Variants in MROH9 observed in about 807,000 individuals in gnomAD.
MROH9 encodes maestro heat like repeat family member 9.
MROH9 carries 92 observed loss-of-function variants against 98.2 expected under a neutral mutation model. That is an observed-to-expected ratio of 0.94 (90% CI 0.79 to 1.11). The LOEUF is 1.11. MROH9 is among the 50% of genes most tolerant of loss of function. MROH9 has a pLI of 0.00. For synonymous variants in MROH9, 397 were observed against 368.9 expected (o/e 1.08, Z -0.87); for missense variants, 1,057 against 1,014.8 (o/e 1.04, Z -0.57).
chr1:170,975,749 G>A (rs185994564), intron 8 of MROH9, among the ~76,000 whole-genome samples: 2 of 152,280 alleles, frequency 1.3e-5, no homozygotes, highest in South Asian at 2.1e-4. Flanking sequence ...TGTGTGGGAT[G>A]CTGAAATCTC....
chr1:171,062,129 T>C lies in MROH9; in HGVS notation c.2282-3T>C, dbSNP rs919525078. 6.5e-7 allele frequency: 1 copy of C among 1,537,292 alleles called. No homozygotes were observed. Among genetic ancestry groups the C allele is most frequent in the South Asian group, 1.2e-5 (1 of 83,602 alleles). On this transcript the variant is annotated splice_polypyrimidine_tract_variant and splice_region_variant and intron_variant, in intron 20 of 21. Transcript: ENST00000367759. ...GTAACTTTAATTTTTATTATGTGCA[T>C]AGGATATTTGGCAAAATCAGGTGGT...
chr1:170,986,424 T>C (rs1651133502), intron 9 of MROH9, 137 bp from the exon 10 acceptor site: 2 of 669,520 alleles, frequency 3.0e-6, no homozygotes, highest in Admixed American at 5.8e-5. Flanking sequence ...AGAGAGAGAC[T>C]CCAACAAGAT....
intron 3 of MROH9, among the ~76,000 whole-genome samples, chr1:170,956,582 C>CTTTTT (rs869218785): frequency 1.8e-4 from 21 of 114,906 alleles, no homozygotes; most frequent in African/African-American, 4.9e-4. Context: ...TTTCTCTTTC[C>CTTTTT]TTTTTTTTTT....
chr1:171,044,895 A>T (rs978067031), intron 20 of MROH9, among the ~76,000 whole-genome samples: 16 of 148,300 alleles, frequency 1.1e-4, no homozygotes, highest in South Asian at 2.1e-4. Flanking sequence ...TTTAACTTTT[A>T]AAAAAAGCCA....
At chr1:171,045,608 C>G (rs1653450049) in intron 20 of MROH9, among the ~76,000 whole-genome samples, 1 of 151,986 alleles carries the variant, frequency 6.6e-6, no homozygotes, top group Non-Finnish European at 1.5e-5. Flanking sequence ...TTCCAAAATT[C>G]CTCTTGTTAT....
rs1654095257 is a variant in MROH9, at chr1:171,064,099, T to C, written c.2345T>C (p.Val782Ala). 3 of 1,534,222 alleles carry C rather than the reference T, an allele frequency of 2.0e-6. No individual in the cohort carries two copies. The East Asian group carries it at 7.3e-5, about 38-fold the overall frequency. Residue 782 changes from valine to alanine, a missense_variant and splice_region_variant, in exon 22 of 22, where the codon GTT (valine) becomes GCT (alanine). By Grantham distance (64) the Val-to-Ala change is moderately conservative (BLOSUM62 0). Coordinates refer to ENST00000367759, the MANE Select transcript of MROH9 (RefSeq NM_001163629.2). Reference sequence around the variant, plus strand: ...ACTAAAGTCTCTTCTGATATTACAGTTATTGAACGACTGCTCCGAGATGAA... The same window carrying C: ...ACTAAAGTCTCTTCTGATATTACAGCTATTGAACGACTGCTCCGAGATGAA... ...LRDEIEVMLD[V>A]IERLLRDEDP...
At chr1:170,982,533 T>C (rs964554350) in intron 8 of MROH9, among the ~76,000 whole-genome samples, 1 of 152,146 alleles carries the variant, frequency 6.6e-6, no homozygotes, top group South Asian at 2.1e-4. Context: ...TCATTTTTTT[T>C]CCTGTGGTAA....
At chr1:171,037,177 C>A (rs76575292) in intron 20 of MROH9, among the ~76,000 whole-genome samples, 1 of 150,110 alleles carries the variant, frequency 6.7e-6, no homozygotes, top group South Asian at 2.1e-4. Flanking sequence ...AGAAAATATC[C>A]CATTTATAGT....
intron 20 of MROH9, among the ~76,000 whole-genome samples, chr1:171,054,820 C>A (rs1653778230): frequency 6.6e-6 from 1 of 152,070 alleles, no homozygotes; most frequent in Non-Finnish European, 1.5e-5. Context: ...CTTACTCCTG[C>A]AAGAATGGCC....
intron 1 of MROH9, among the ~76,000 whole-genome samples, chr1:170,944,600 G>T (rs1027736980): frequency 6.6e-6 from 1 of 151,992 alleles, no homozygotes; most frequent in African/African-American, 2.4e-5. Context: ...CCAAAAAAGT[G>T]TAAACAACCA....
intron 20 of MROH9, among the ~76,000 whole-genome samples, chr1:171,058,812 A>G (rs1026877081): frequency 3.9e-5 from 6 of 152,188 alleles, no homozygotes; most frequent in Admixed American, 3.9e-4. Flanking sequence ...CTGAAACTGG[A>G]CCCTTTCCTT....
chr1:170,983,367 T>C, intron 8 of MROH9, 55 bp from the exon 9 acceptor site: 1 of 1,279,474 alleles, frequency 7.8e-7, no homozygotes, highest in Non-Finnish European at 1.1e-6. Context: ...AGTAATGTCA[T>C]AGAACAAACA....
At chr1:170,962,170 A>G (rs920742542) in intron 6 of MROH9, among the ~76,000 whole-genome samples, 194 bp downstream of exon 6, 6 of 152,138 alleles carry the variant, frequency 3.9e-5, no homozygotes, top group Non-Finnish European at 8.8e-5. Flanking sequence ...TAGGAATTTA[A>G]TTTGGGAAGG....
chr1:171,024,680 C>G lies in MROH9; in HGVS notation c.2093C>G (p.Ser698Ter). ...AAATATACATTAAAAATCTGTACCTCACAATTAAAGTGGTCAACATCACGT... is the reference window on the plus strand; with the variant it reads ...AAATATACATTAAAAATCTGTACCTGACAATTAAAGTGGTCAACATCACGT... Reference protein sequence around the residue: ...ACKYTLKICTSQLKWSTSRLL... With the variant: ...ACKYTLKICT Residue 698 changes from serine (S) to a stop codon, truncating the protein, a stop_gained, in exon 19 of 22, where the codon TCA becomes TGA. Coordinates refer to ENST00000367759, the MANE Select transcript of MROH9 (RefSeq NM_001163629.2). LOFTEE classifies it high-confidence loss of function. 6.4e-7 allele frequency: 1 copy of G among 1,551,082 alleles called. No individual in the cohort carries two copies. The highest frequency in any genetic ancestry group is 8.7e-7 in the Non-Finnish European group (1 of 1,146,632).
intron 20 of MROH9, among the ~76,000 whole-genome samples, chr1:171,033,446 GCA>G (rs1025292366): frequency 9.2e-5 from 14 of 152,192 alleles, no homozygotes; most frequent in Non-Finnish European, 1.3e-4. Context: ...CATCAAAAAA[GCA>G]CAGTTTCCTG....
At position 170,996,652 on chromosome 1, in the gene MROH9, C is replaced by T. The variant is rs201808071; in HGVS notation, c.1475+8C>T. On this transcript the variant is annotated splice_region_variant and intron_variant, in intron 14 of 21. Coordinates refer to ENST00000367759, the MANE Select transcript of MROH9 (RefSeq NM_001163629.2). ...AGTCTGCTTTATTGCTAAGTAAGAACAGGGGTCTCTGTGTAGGATTCTTGG... is the reference window on the plus strand; with the variant it reads ...AGTCTGCTTTATTGCTAAGTAAGAATAGGGGTCTCTGTGTAGGATTCTTGG... The T allele has an allele frequency of 2.9e-4, 467 of 1,613,004 alleles. 1 individual carries two copies. The African/African-American group carries it at 5.5e-3, about 19-fold the overall frequency.
intron 20 of MROH9, among the ~76,000 whole-genome samples, chr1:171,039,149 C>T: frequency 6.6e-6 from 1 of 152,132 alleles, no homozygotes; most frequent in East Asian, 1.9e-4. Flanking sequence ...ATTTCCAAAG[C>T]ATCAAATTCT....
intron 20 of MROH9, among the ~76,000 whole-genome samples, chr1:171,036,961 C>T (rs1407627077): frequency 3.3e-5 from 5 of 151,548 alleles, no homozygotes; most frequent in African/African-American, 4.8e-5. Flanking sequence ...TAAAATTCAA[C>T]ATACTAGTTT....
chr1:171,007,489 G>A (rs1272047961), intron 15 of MROH9, among the ~76,000 whole-genome samples: 1 of 152,160 alleles, frequency 6.6e-6, no homozygotes, highest in Non-Finnish European at 1.5e-5. Context: ...TCACAAGGCT[G>A]CTTCAGTGTC....
Sources: gnomAD v4.1 joint callset for allele counts (sites outside exome capture counted in the v4.1 genomes callset) on GRCh38, gnomAD v4.1.1 for gene constraint, MANE v1.5 for transcripts, NCBI Gene and HGNC (gene_info 2026-07-23, HGNC 2026-07-21) for gene names.